The following PGR variants were observed in gnomAD, a reference collection of about 807,000 sequenced individuals.
PGR encodes the protein nuclear receptor subfamily 3 group C member 3.
In PGR, 25 loss-of-function variants were observed where a neutral mutation model predicts 76.1. That is an observed-to-expected ratio of 0.33 (90% CI 0.24 to 0.46). The LOEUF is 0.46. Among genes scored for constraint, PGR ranks in the 20% least tolerant of loss-of-function variants. PGR has a pLI of 1.00. For synonymous variants in PGR, 579 were observed against 535.0 expected, an observed-to-expected ratio of 1.08 and a Z score of -1.14; for missense variants, 1,172 against 1,225.3, an observed-to-expected ratio of 0.96 and a Z score of 0.65.
intron 4 of PGR, among the ~76,000 whole-genome samples, chr11:101,056,622 A>C (rs2135402322): frequency 7.0e-6 from 1 of 142,254 alleles, no homozygotes; most frequent in South Asian, 2.4e-4. Flanking sequence ...CCTGGGTGAC[A>C]GAGTGAGAGC....
Position 101,046,943 on chromosome 11 carries a change from C to A in PGR, c.2488+2986G>T, listed in dbSNP as rs11224569. 3.5e-3 allele frequency among the ~76,000 whole-genome samples: 537 copies of A among 152,108 alleles called. 3 individuals are homozygous for A. Among genetic ancestry groups the A allele is most frequent in the African/African-American group, 0.012 (511 of 41,506 alleles). On this transcript the variant is annotated intron_variant, in intron 6 of 7. Coordinates refer to ENST00000325455, the MANE Select transcript of PGR (RefSeq NM_000926.4). ...TTTTTATAATGCTTATCTATTTATTCTTCTAGTTTTAAAGATGGATTTTCA... is the reference window on the plus strand; with the variant it reads ...TTTTTATAATGCTTATCTATTTATTATTCTAGTTTTAAAGATGGATTTTCA...
rs1303724293 is a variant in PGR, at chr11:101,128,396, A to ATCC, written c.672_674dup (p.Glu224dup). 1 of 1,610,184 alleles carries ATCC rather than the reference A, an allele frequency of 6.2e-7. No homozygotes were observed. Among genetic ancestry groups the ATCC allele is most frequent in the African/African-American group, 1.3e-5 (1 of 75,032 alleles). On this transcript the variant is annotated inframe_insertion, in exon 1 of 8. Coordinates refer to ENST00000325455, the MANE Select transcript of PGR (RefSeq NM_000926.4). ...CCGCAGACTCCTCGGACTCAGAGCCATCCTCCTCCTCAACCTCCACCGCAG... is the reference window on the plus strand; with the variant it reads ...CCGCAGACTCCTCGGACTCAGAGCCATCCTCCTCCTCCTCAACCTCCACCGCAG...
At position 101,034,084 on chromosome 11, in the gene PGR, T is replaced by C; in HGVS notation, c.*5032A>G. On this transcript the variant is annotated 3_prime_UTR_variant, in exon 8 of 8. Transcript: ENST00000325455. ...CCGTAATGGACAGAGTATGCTTTCTTAGCTGCCTGATTCACATTTCTCTAA... is the reference window on the plus strand; with the variant it reads ...CCGTAATGGACAGAGTATGCTTTCTCAGCTGCCTGATTCACATTTCTCTAA... 1 of 231,562 alleles carries C rather than the reference T, an allele frequency of 4.3e-6. No homozygotes were observed. The highest frequency in any genetic ancestry group is 8.5e-6 in the Non-Finnish European group (1 of 116,998). The allele number at this position is 231,562 out of a possible 1,614,324, so 14.3% of individuals were successfully genotyped here.
intron 6 of PGR, among the ~76,000 whole-genome samples, chr11:101,043,614 G>A (rs1859768522): frequency 6.6e-6 from 1 of 152,104 alleles, no homozygotes; most frequent in Admixed American, 6.6e-5. Context: ...ATCTATGGCA[G>A]CCACAGCTTT....
intron 3 of PGR, among the ~76,000 whole-genome samples, chr11:101,072,387 A>T (rs1860970870): frequency 6.6e-6 from 1 of 152,196 alleles, no homozygotes; most frequent in Non-Finnish European, 1.5e-5. Context: ...CAAATTGTAA[A>T]GACCATCGAT....
At chr11:101,085,525 TAAAAAAAAAA>T (rs1212568882) in intron 3 of PGR, among the ~76,000 whole-genome samples, 2 of 42,276 alleles carry the variant, frequency 4.7e-5, no homozygotes, top group Admixed American at 7.6e-4. Flanking sequence ...CTAGAGGAAC[TAAAAAAAAAA>T]AAAAAAAAAA....
At position 101,036,793 on chromosome 11, in the gene PGR, TA is replaced by T; in HGVS notation, c.*2322del. ...CTATTCCCTCATAGTTGAGTGAAATTAGAAAATTTTAAAGTTATTATGGAAA... is the reference window on the plus strand; with the variant it reads ...CTATTCCCTCATAGTTGAGTGAAATTGAAAATTTTAAAGTTATTATGGAAA... On this transcript the variant is annotated 3_prime_UTR_variant, in exon 8 of 8. Coordinates refer to ENST00000325455, the MANE Select transcript of PGR (RefSeq NM_000926.4). 5.2e-6 allele frequency: 1 copy of T among 193,262 alleles called. No individual in the cohort carries two copies. Among genetic ancestry groups the T allele is most frequent in the Non-Finnish European group, 1.1e-5 (1 of 92,420 alleles). 12.0% of individuals were successfully genotyped at this position (193,262 alleles called of 1,614,324 possible).
chr11:101,094,775 C>T (rs183831398), intron 2 of PGR, among the ~76,000 whole-genome samples: 1 of 152,292 alleles, frequency 6.6e-6, no homozygotes, highest in East Asian at 1.9e-4. Context: ...TTCCTTCTTG[C>T]TATGGTTTGA....
intron 3 of PGR, among the ~76,000 whole-genome samples, chr11:101,089,888 G>T (rs1258110851): frequency 6.6e-6 from 1 of 152,114 alleles, no homozygotes; most frequent in Non-Finnish European, 1.5e-5. Context: ...GAAGATAAAG[G>T]ATTACAGATG....
intron 3 of PGR, 28 bp downstream of exon 3, chr11:101,091,732 A>G (rs200336995): frequency 4.9e-6 from 5 of 1,012,446 alleles, no homozygotes; most frequent in Admixed American, 1.7e-5. Context: ...ATTACACAGT[A>G]TATTATTGAT....
Position 101,035,987 on chromosome 11 carries a change from T to G in PGR, c.*3129A>C, listed in dbSNP as rs1859504198. The stretch of plus-strand genomic sequence containing the variant: ...CGTTTTTTTTGGTTTCCATTTCTAT[T>G]CATTACAAAGCACTTGGGAAAGGCA... On this transcript the variant is annotated 3_prime_UTR_variant, in exon 8 of 8. Transcript: ENST00000325455. The G allele has an allele frequency of 4.4e-6, 1 of 227,398 alleles. No homozygotes were observed. Among genetic ancestry groups the G allele is most frequent in the African/African-American group, 2.2e-5 (1 of 45,018 alleles). 14.1% of individuals were successfully genotyped at this position (227,398 alleles called of 1,614,324 possible).
In PGR at chr11:101,129,479, G is replaced by A. The variant is rs1863030926; in HGVS notation, c.-409C>T. ...TGCGACGGCAATTTAGTGACACGCG[G>A]CTCCTTTATCTCCCGACTTTTTCTC... On this transcript the variant is annotated 5_prime_UTR_variant, in exon 1 of 8. Transcript: ENST00000325455. The A allele has an allele frequency of 8.2e-6, 2 of 243,342 alleles. No individual in the cohort carries two copies. Among genetic ancestry groups the A allele is most frequent in the Non-Finnish European group, 1.6e-5 (2 of 125,668 alleles). The allele number at this position is 243,342 out of a possible 1,614,324, so 15.1% of individuals were successfully genotyped here.
At chr11:101,127,180 A>G (rs1382441805) in intron 1 of PGR, 6 of 323,674 alleles carry the variant, frequency 1.9e-5, no homozygotes, top group Non-Finnish European at 3.4e-5. Flanking sequence ...AAAACAAACA[A>G]AAAAACAGCT....
At chr11:101,057,399 G>C (rs1346225459) in intron 4 of PGR, among the ~76,000 whole-genome samples, 1 of 152,308 alleles carries the variant, frequency 6.6e-6, no homozygotes, top group South Asian at 2.1e-4. Flanking sequence ...GGAATGATGA[G>C]AGATTAACAC....
intron 4 of PGR, among the ~76,000 whole-genome samples, chr11:101,059,493 T>C (rs601046): frequency 0.26 from 39,073 of 151,726 alleles, 5,106 homozygotes; most frequent in African/African-American, 0.3. Context: ...TAAGAGATGG[T>C]TTATAAACGT....
chr11:101,057,158 G>A (rs1310933326), intron 4 of PGR, among the ~76,000 whole-genome samples: 1 of 152,146 alleles, frequency 6.6e-6, no homozygotes, highest in East Asian at 1.9e-4. Context: ...AAGCACAAAG[G>A]AGACAAGGGA....
In PGR at chr11:101,030,599, CAGGCATATTGCTCTG is replaced by C. The variant is rs542084305; in HGVS notation, c.*8502_*8516del. 4.2e-4 allele frequency: 92 copies of C among 221,044 alleles called. 1 individual carries two copies. The Middle Eastern group carries it at 8.6e-3, about 21-fold the overall frequency. The allele number at this position is 221,044 out of a possible 1,614,324, so 13.7% of individuals were successfully genotyped here. A position where few individuals can be genotyped will look rare whatever the true frequency, so the allele number is the denominator to read the frequency against. On this transcript the variant is annotated 3_prime_UTR_variant, in exon 8 of 8. Transcript: ENST00000325455. ...GACCTTTCTCCTGGTCAGTTGGAGG[CAGGCATATTGCTCTG>C]AGGAGAATTGGAATTGTTATAGCGG...
intron 2 of PGR, among the ~76,000 whole-genome samples, chr11:101,108,299 C>T (rs1281459558): frequency 1.3e-5 from 2 of 148,496 alleles, no homozygotes; most frequent in African/African-American, 5.0e-5. Flanking sequence ...ATGCCTGAAA[C>T]TCCAGCACTT....
intron 2 of PGR, among the ~76,000 whole-genome samples, chr11:101,098,923 C>A (rs11822836): frequency 1.3e-5 from 2 of 152,130 alleles, no homozygotes; most frequent in Non-Finnish European, 2.9e-5. Context: ...ATGCCAAAAA[C>A]AACATAAACA....
Sources: allele counts gnomAD v4.1 joint callset (sites outside exome capture counted in the v4.1 genomes callset), GRCh38; gene constraint gnomAD v4.1.1; transcripts MANE v1.5; gene names NCBI Gene and HGNC (gene_info 2026-07-23, HGNC 2026-07-21).